Variants in GRM4 observed in about 807,000 individuals in gnomAD.
GRM4 encodes the protein metabotropic glutamate receptor 4.
Under a neutral mutation model 81.7 loss-of-function variants are expected in GRM4, and 28 were observed. The observed-to-expected ratio is 0.34, with a 90% CI of 0.25 to 0.47. GRM4 has a LOEUF of 0.47. GRM4 is among the 20% of genes least tolerant of loss of function. The probability of loss-of-function intolerance (pLI) is 1.00; values close to 1 mark genes in which losing one functional copy is unlikely to be tolerated. For synonymous variants in GRM4, 488 were observed against 528.8 expected, an observed-to-expected ratio of 0.92 and a Z score of 1.06; for missense variants, 948 against 1,290.0, an observed-to-expected ratio of 0.73 and a Z score of 4.06.
intron 8 of GRM4, among the ~76,000 whole-genome samples, chr6:34,039,499 G>A (rs944427819): frequency 6.6e-6 from 1 of 152,174 alleles, no homozygotes; most frequent in African/African-American, 2.4e-5. Flanking sequence ...AAGTCCACAA[G>A]CACTTTGTTG....
Position 34,022,791 on chromosome 6 carries a change from C to G in GRM4, c.*30G>C. ...CGCACCTTCCACAGGGTCACGGCTC[C>G]TCCTCCTGCTGCTCAGCTCCATGGA... On this transcript the variant is annotated 3_prime_UTR_variant, in exon 11 of 11. Transcript: ENST00000538487. The surrounding 1 kb of genome is among the most constrained non-coding windows in gnomAD (Gnocchi z 5.6). The G allele has an allele frequency of 6.2e-7, 1 of 1,603,668 alleles. No individual in the cohort carries two copies. Among genetic ancestry groups the G allele is most frequent in the Non-Finnish European group, 8.5e-7 (1 of 1,170,578 alleles).
intron 10 of GRM4, chr6:34,024,609 C>T (rs1323087709): frequency 1.8e-5 from 8 of 453,758 alleles, no homozygotes; most frequent in Non-Finnish European, 3.1e-5. Context: ...GCAGAGGGGT[C>T]CACCATGGGA....
At chr6:34,027,904 G>C (rs997522645) in intron 10 of GRM4, among the ~76,000 whole-genome samples, 2 of 152,212 alleles carry the variant, frequency 1.3e-5, no homozygotes, top group Non-Finnish European at 2.9e-5. Context: ...CACCAGGAGG[G>C]GCAGGACAGA....
chr6:34,078,306 G>A lies in GRM4; in HGVS notation c.736+13577C>T, dbSNP rs371815765. Among the ~76,000 whole-genome samples the A allele has an allele frequency of 1.6e-4, 25 of 151,902 alleles. 1 individual carries two copies. The East Asian group carries it at 3.1e-3, about 19-fold the overall frequency. On this transcript the variant is annotated intron_variant, in intron 3 of 10. Coordinates refer to ENST00000538487, the MANE Select transcript of GRM4 (RefSeq NM_000841.4). The surrounding 1 kb of genome is among the most constrained non-coding windows in gnomAD (Gnocchi z 4.8). ...CTCCCCCCAAATACACACTCTCTTC[G>A]ATCATTGCACAGCCCCTCATGTTCA...
chr6:34,116,582 A>G (rs1769605496), intron 2 of GRM4, among the ~76,000 whole-genome samples: 1 of 152,210 alleles, frequency 6.6e-6, no homozygotes, highest in African/African-American at 2.4e-5. Context: ...AAGAAGGTAC[A>G]GTCTCTTTGG....
At chr6:34,094,577 C>T (rs922895487) in intron 2 of GRM4, among the ~76,000 whole-genome samples, 1 of 152,202 alleles carries the variant, frequency 6.6e-6, no homozygotes, top group African/African-American at 2.4e-5. Context: ...TGTTTTAGAG[C>T]AGTTTCTCAG....
chr6:34,073,209 TCACA>T (rs1767095843), intron 3 of GRM4, among the ~76,000 whole-genome samples: 1 of 422 alleles, frequency 2.4e-3, no homozygotes, highest in East Asian at 0.042. Context: ...CACCCACACA[TCACA>T]CAAACACACA....
Position 34,022,723 on chromosome 6 carries a change from G to A in GRM4, c.*98C>T. ...CAAGCCACGTCCGTGGGTGCCCACG[G>A]GCAGGCAAGACAGCTGGGCCCTTGG... On this transcript the variant is annotated 3_prime_UTR_variant, in exon 11 of 11. Coordinates refer to ENST00000538487, the MANE Select transcript of GRM4 (RefSeq NM_000841.4). This position sits in a 1 kb window ranked among gnomAD's most constrained non-coding sequence, Gnocchi z 5.6. 9.1e-7 allele frequency: 1 copy of A among 1,102,628 alleles called. No homozygotes were observed. The highest frequency in any genetic ancestry group is 1.3e-5 in the South Asian group (1 of 79,544). The allele number at this position is 1,102,628 out of a possible 1,614,324, so 68.3% of individuals were successfully genotyped here.
In GRM4 at chr6:34,047,160, A is replaced by T. The variant is rs148776327; in HGVS notation, c.1169-6412T>A. On this transcript the variant is annotated intron_variant, in intron 6 of 10. Coordinates refer to ENST00000538487, the MANE Select transcript of GRM4 (RefSeq NM_000841.4). The surrounding 1 kb of genome is among the most constrained non-coding windows in gnomAD (Gnocchi z 4.5). ...AGATGCAACACCATGTCTTGTGCACAGAAGTCCTCTCTCAGCCTCAGCTCT... is the reference window on the plus strand; with the variant it reads ...AGATGCAACACCATGTCTTGTGCACTGAAGTCCTCTCTCAGCCTCAGCTCT... Among the ~76,000 whole-genome samples the T allele has an allele frequency of 3.6e-3, 554 of 152,230 alleles. 5 individuals carry two copies. Among genetic ancestry groups the T allele is most frequent in the Middle Eastern group, 0.01 (3 of 294 alleles).
intron 6 of GRM4, among the ~76,000 whole-genome samples, chr6:34,051,519 C>G (rs947902993): frequency 6.6e-6 from 1 of 152,138 alleles, no homozygotes; most frequent in Non-Finnish European, 1.5e-5. Flanking sequence ...CCTTATAAAC[C>G]AGGCCTTCCT....
intron 2 of GRM4, among the ~76,000 whole-genome samples, chr6:34,100,639 G>T (rs1403042885): frequency 6.6e-5 from 10 of 152,242 alleles, no homozygotes; most frequent in Admixed American, 5.2e-4. Flanking sequence ...GCGGACATCC[G>T]AGTGGGAGAG....
chr6:34,057,787 T>C (rs778114455), intron 5 of GRM4, among the ~76,000 whole-genome samples: 1 of 152,236 alleles, frequency 6.6e-6, no homozygotes, highest in Non-Finnish European at 1.5e-5. Flanking sequence ...TCAAGCTCTC[T>C]GAGCCCTGTG....
chr6:34,074,368 C>T lies in GRM4; in HGVS notation c.737-12340G>A, dbSNP rs1224153442. ...AGAGCGGATTGCCCGTGGACAGGGT[C>T]AGCCCCTAGGGGATATTTTGGGGTG... On this transcript the variant is annotated intron_variant, in intron 3 of 10. Transcript: ENST00000538487. The surrounding 1 kb of genome is among the most constrained non-coding windows in gnomAD (Gnocchi z 4.9). 6.6e-6 allele frequency among the ~76,000 whole-genome samples: 1 copy of T among 152,218 alleles called. No homozygotes were observed. Among genetic ancestry groups the T allele is most frequent in the Non-Finnish European group, 1.5e-5 (1 of 68,030 alleles).
chr6:34,155,372 C>T (rs1771131513), exon 1 of GRM4: 4 of 1,503,392 alleles, frequency 2.7e-6, no homozygotes, highest in South Asian at 1.3e-5. Flanking sequence ...GCTGCAACTC[C>T]AGGCTCCCAA....
chr6:34,101,044 CATT>C (rs1444092912), intron 2 of GRM4, among the ~76,000 whole-genome samples: 1 of 152,210 alleles, frequency 6.6e-6, no homozygotes, highest in Non-Finnish European at 1.5e-5. Flanking sequence ...GAGCGGTAAA[CATT>C]AGGCTCCACC....
At chr6:34,024,846 A>G (rs1005735972) in intron 10 of GRM4, 1 of 447,806 alleles carries the variant, frequency 2.2e-6, no homozygotes, top group Non-Finnish European at 4.5e-6. Context: ...CAAAAAAAGA[A>G]TAAGAACACA....
chr6:34,074,616 G>A lies in GRM4; in HGVS notation c.737-12588C>T, dbSNP rs113767573. On this transcript the variant is annotated intron_variant, in intron 3 of 10. Coordinates refer to ENST00000538487, the MANE Select transcript of GRM4 (RefSeq NM_000841.4). The surrounding 1 kb of genome is among the most constrained non-coding windows in gnomAD (Gnocchi z 4.9). ...CCGTCCCCTGCCAGGAGAGGAGGCC[G>A]CTGGGCAGCGCAAGCAGTGTGGCTC... Among the ~76,000 whole-genome samples the A allele has an allele frequency of 5.4e-3, 815 of 152,282 alleles. 9 individuals carry two copies. The highest frequency in any genetic ancestry group is 0.014 in the Middle Eastern group (4 of 294).
In GRM4 at chr6:34,048,618, C is replaced by G. The variant is rs567726563; in HGVS notation, c.1169-7870G>C. Among the ~76,000 whole-genome samples the G allele has an allele frequency of 2.6e-5, 4 of 152,290 alleles. No homozygotes were observed. The South Asian group carries it at 6.2e-4, about 24-fold the overall frequency. On this transcript the variant is annotated intron_variant, in intron 6 of 10. Coordinates refer to ENST00000538487, the MANE Select transcript of GRM4 (RefSeq NM_000841.4). The surrounding 1 kb of genome is among the most constrained non-coding windows in gnomAD (Gnocchi z 4.0). ...CCTTACTAGGTGACAAGGTTTGGCT[C>G]TGTGTCCCCACCCCAAATCTCACCT...
intron 3 of GRM4, among the ~76,000 whole-genome samples, chr6:34,079,929 C>T (rs1283127570): frequency 2.0e-5 from 3 of 152,188 alleles, no homozygotes; most frequent in Non-Finnish European, 2.9e-5. Flanking sequence ...AGAGGGATCT[C>T]GACCCTCCTC....
Sources: gnomAD v4.1 joint callset for allele counts (sites outside exome capture counted in the v4.1 genomes callset) on GRCh38, gnomAD v4.1.1 for gene constraint, Gnocchi (gnomAD v3.1) non-coding constraint, MANE v1.5 for transcripts, NCBI Gene and HGNC (gene_info 2026-07-23, HGNC 2026-07-21) for gene names.